CALN1: variants seen among roughly 807,000 people sequenced by gnomAD.
CALN1 encodes the protein calcium-binding protein 8.
CALN1 carries 17 observed loss-of-function variants against 30.6 expected under a neutral mutation model. The ratio of observed to expected loss-of-function variants is 0.56; its 90% CI spans 0.38 to 0.83. The LOEUF is 0.83. Among genes scored for constraint, CALN1 ranks in the 40% least tolerant of loss-of-function variants. The pLI is 0.00. For synonymous variants in CALN1, 156 were observed against 131.4 expected (o/e 1.19, Z -1.28); for missense variants, 291 against 354.9 (o/e 0.82, Z 1.45).
intron 5 of CALN1, among the ~76,000 whole-genome samples, chr7:71,922,308 A>C (rs778428327): frequency 6.6e-5 from 10 of 152,076 alleles, no homozygotes; most frequent in Non-Finnish European, 1.2e-4. Flanking sequence ...ACATTGAGCA[A>C]GAATTAACTG....
At position 72,353,492 on chromosome 7, in the gene CALN1, G is replaced by A. The variant is rs77899525; in HGVS notation, c.119+49759C>T. 8.7e-4 allele frequency among the ~76,000 whole-genome samples: 132 copies of A among 152,128 alleles called. 1 individual carries two copies. In the East Asian group the frequency reaches 0.025, roughly 28 times the overall value. On this transcript the variant is annotated intron_variant, in intron 2 of 6. Transcript: ENST00000395275. ...AAGAAAAAATTACAATCATCCTAAT[G>A]CATTCATGAAGAGTGTTTGGCAAAA...
At chr7:71,961,638 C>T (rs1328084480) in intron 5 of CALN1, among the ~76,000 whole-genome samples, 2 of 152,188 alleles carry the variant, frequency 1.3e-5, no homozygotes, top group Non-Finnish European at 1.5e-5. Flanking sequence ...TTGCCATCTC[C>T]ACAAGCCATT....
intron 1 of CALN1, among the ~76,000 whole-genome samples, chr7:72,426,818 A>C (rs1338188727): frequency 6.6e-6 from 1 of 152,124 alleles, no homozygotes; most frequent in African/African-American, 2.4e-5. Context: ...TATGGCTTGC[A>C]TTGACCACTC....
intron 5 of CALN1, among the ~76,000 whole-genome samples, chr7:71,956,568 C>T (rs1796973168): frequency 6.6e-6 from 1 of 150,854 alleles, no homozygotes; most frequent in African/African-American, 2.4e-5. Flanking sequence ...CCCAAGTTAT[C>T]CTCCAGCCTC....
At chr7:71,874,279 TAAAAAAAAAA>T (rs57423286) in intron 5 of CALN1, among the ~76,000 whole-genome samples, 2 of 97,650 alleles carry the variant, frequency 2.0e-5, no homozygotes, top group African/African-American at 8.1e-5. Context: ...TCTCAAACAT[TAAAAAAAAAA>T]AAAAAAAAAA....
At chr7:71,925,264 AAAGCAAGC>A (rs765736446) in intron 5 of CALN1, among the ~76,000 whole-genome samples, 4 of 151,862 alleles carry the variant, frequency 2.6e-5, no homozygotes, top group South Asian at 2.1e-4. Context: ...GAGACAAAGA[AAAGCAAGC>A]AAGCAAGCAA....
chr7:72,384,758 T>C (rs1805107515), intron 2 of CALN1, among the ~76,000 whole-genome samples: 1 of 152,016 alleles, frequency 6.6e-6, no homozygotes, highest in South Asian at 2.1e-4. Flanking sequence ...TGTTTGGTGG[T>C]GAGCTTTCAG....
intron 2 of CALN1, among the ~76,000 whole-genome samples, chr7:72,379,752 A>C (rs760189798): frequency 6.6e-6 from 1 of 152,222 alleles, no homozygotes; most frequent in Non-Finnish European, 1.5e-5. Flanking sequence ...TTAGCATTCT[A>C]TCTGTCTAAT....
intron 3 of CALN1, 144 bp from the exon 4 acceptor site, chr7:72,106,438 C>A (rs1162940962): frequency 3.9e-5 from 33 of 835,736 alleles, no homozygotes; most frequent in South Asian, 2.4e-4. Context: ...AAAGGGAGGA[C>A]AGAAGAAGAA....
intron 4 of CALN1, among the ~76,000 whole-genome samples, chr7:72,055,829 T>C (rs1320040349): frequency 6.6e-6 from 1 of 151,822 alleles, no homozygotes; most frequent in Non-Finnish European, 1.5e-5. Flanking sequence ...CTAGGCAACA[T>C]AGCAAGACCT....
intron 3 of CALN1, among the ~76,000 whole-genome samples, chr7:72,267,855 A>G (rs980267266): frequency 3.9e-5 from 6 of 152,050 alleles, no homozygotes; most frequent in South Asian, 2.1e-4. Flanking sequence ...AAAAATTTAA[A>G]AATTAGCTAG....
At chr7:72,340,879 C>A (rs891072952) in intron 2 of CALN1, among the ~76,000 whole-genome samples, 8 of 152,114 alleles carry the variant, frequency 5.3e-5, no homozygotes, top group Admixed American at 2.0e-4. Flanking sequence ...ACTTGGCTCT[C>A]TCTCTCTCAT....
intron 4 of CALN1, among the ~76,000 whole-genome samples, chr7:72,090,445 A>C (rs1450391152): frequency 6.6e-6 from 1 of 152,146 alleles, no homozygotes; most frequent in Non-Finnish European, 1.5e-5. Context: ...GAAAACATCA[A>C]AACCGTCTAT....
intron 4 of CALN1, among the ~76,000 whole-genome samples, chr7:72,082,998 C>T (rs757305356): frequency 1.3e-5 from 2 of 151,872 alleles, no homozygotes; most frequent in African/African-American, 2.4e-5. Flanking sequence ...GTCAGGAGTT[C>T]GAGACCAGCC....
chr7:72,224,871 G>C (rs913772980), intron 3 of CALN1, among the ~76,000 whole-genome samples: 7 of 151,820 alleles, frequency 4.6e-5, no homozygotes, highest in African/African-American at 1.7e-4. Context: ...GGTGAATCAC[G>C]AGGTCAGGAG....
At chr7:71,812,926 C>T (rs375218703) in intron 5 of CALN1, among the ~76,000 whole-genome samples, 6,374 of 94,032 alleles carry the variant, frequency 0.068, 395 homozygotes, top group African/African-American at 0.19. Flanking sequence ...TTATCATCAT[C>T]ATCATTATTA....
chr7:72,245,364 A>G (rs924052126), intron 3 of CALN1, among the ~76,000 whole-genome samples: 2 of 152,132 alleles, frequency 1.3e-5, no homozygotes, highest in Non-Finnish European at 1.5e-5. Context: ...CACGCCTATA[A>G]TCCCAGCACT....
intron 3 of CALN1, among the ~76,000 whole-genome samples, chr7:72,152,029 C>T (rs1787293371): frequency 6.6e-6 from 1 of 151,542 alleles, no homozygotes; most frequent in Non-Finnish European, 1.5e-5. Context: ...CTGCCTCAGC[C>T]TCCCAGGTAG....
At chr7:71,971,990 A>G (rs1797857942) in intron 5 of CALN1, among the ~76,000 whole-genome samples, 1 of 141,200 alleles carries the variant, frequency 7.1e-6, no homozygotes, top group African/African-American at 2.7e-5. Context: ...AGAAAGAAAG[A>G]AAGAGAAAGA....
Sources: allele counts gnomAD v4.1 joint callset (sites outside exome capture counted in the v4.1 genomes callset), GRCh38; gene constraint gnomAD v4.1.1; transcripts MANE v1.5; gene names NCBI Gene and HGNC (gene_info 2026-07-23, HGNC 2026-07-21).